Variants in DPP10 observed in about 807,000 individuals in gnomAD.
DPP10 encodes dipeptidyl peptidase like 10.
Under a neutral mutation model 120.9 loss-of-function variants are expected in DPP10, and 33 were observed. That is an observed-to-expected ratio of 0.27 (90% CI 0.21 to 0.37). The LOEUF (loss-of-function observed/expected upper bound fraction) is 0.37. Ranked by LOEUF, DPP10 falls within the 10% of genes least tolerant of loss-of-function variation. DPP10 has a pLI of 1.00. For synonymous variants in DPP10, 337 were observed against 326.1 expected (o/e 1.03, Z -0.36); for missense variants, 816 against 942.8 (o/e 0.87, Z 1.76).
At chr2:115,026,126 G>A (rs1300592778) in intron 1 of DPP10, among the ~76,000 whole-genome samples, 1 of 151,982 alleles carries the variant, frequency 6.6e-6, no homozygotes, top group Non-Finnish European at 1.5e-5. Flanking sequence ...TTTCCCTAAC[G>A]TTTTCTTTTA....
chr2:115,772,644 A>AT (rs1185898855), intron 13 of DPP10, among the ~76,000 whole-genome samples: 1 of 152,146 alleles, frequency 6.6e-6, no homozygotes, highest in Admixed American at 6.6e-5. Context: ...ACCCCAGACC[A>AT]TTAAACTTTT....
intron 3 of DPP10, among the ~76,000 whole-genome samples, chr2:115,390,785 T>G (rs2067265913): frequency 6.6e-6 from 1 of 152,090 alleles, no homozygotes; most frequent in Admixed American, 6.6e-5. Flanking sequence ...TATCTAGACC[T>G]CACTAAAAAT....
chr2:115,235,275 G>A lies in DPP10; in HGVS notation c.61-73964G>A, dbSNP rs144017529. Among the ~76,000 whole-genome samples, 257 of 152,230 alleles carry A rather than the reference G, an allele frequency of 1.7e-3. 2 individuals carry two copies. Among genetic ancestry groups the A allele is most frequent in the African/African-American group, 5.8e-3 (239 of 41,540 alleles). On this transcript the variant is annotated intron_variant, in intron 1 of 25. Transcript: ENST00000410059. ...ATACCAAGGGAGTGGGACAATAGAC[G>A]TAATGATGTGAATGGTAAAAATAAT...
intron 5 of DPP10, among the ~76,000 whole-genome samples, chr2:115,624,483 C>T (rs960624083): frequency 1.3e-5 from 2 of 152,126 alleles, no homozygotes; most frequent in Non-Finnish European, 2.9e-5. Context: ...AATGAGCAAC[C>T]TATGAGATCA....
In DPP10 at chr2:115,086,502, G is replaced by C. The variant is rs1049228104; in HGVS notation, c.61-222737G>C. On this transcript the variant is annotated intron_variant, in intron 1 of 25. Transcript: ENST00000410059. ...CGGAGTCTCCCAGGCTGTCACCCAG[G>C]CTGGAGTGTAGTGGCGCCATCTCGG... 2.0e-5 allele frequency among the ~76,000 whole-genome samples: 3 copies of C among 149,674 alleles called. No homozygotes were observed. In the South Asian group the frequency reaches 6.4e-4, roughly 32 times the overall value.
chr2:114,784,410 C>G (rs558023247), intron 1 of DPP10, among the ~76,000 whole-genome samples: 3 of 152,172 alleles, frequency 2.0e-5, no homozygotes, highest in Admixed American at 2.0e-4. Context: ...GTTTAAAAAC[C>G]TGCCTTCTGT....
chr2:115,591,985 A>G (rs1200902248), intron 5 of DPP10, among the ~76,000 whole-genome samples: 2 of 151,526 alleles, frequency 1.3e-5, no homozygotes, highest in Non-Finnish European at 2.9e-5. Flanking sequence ...TTTCCTTTTC[A>G]TTCCTGACAG....
rs371323039 is a variant in DPP10, at chr2:114,727,365, T to TA, written c.60+284528dup. Among the ~76,000 whole-genome samples, 540 of 152,342 alleles carry TA rather than the reference T, an allele frequency of 3.5e-3. 3 individuals carry two copies. The highest frequency in any genetic ancestry group is 0.012 in the African/African-American group (507 of 41,580). ...TCAATCTCTCTCCTGACCAGGGGCT[T>TA]ATTAACATTCTGAGTATCACTTTCA... On this transcript the variant is annotated intron_variant, in intron 1 of 25. Coordinates refer to ENST00000410059, the MANE Select transcript of DPP10 (RefSeq NM_020868.6).
At chr2:115,099,162 A>G (rs1009721442) in intron 1 of DPP10, among the ~76,000 whole-genome samples, 1 of 151,854 alleles carries the variant, frequency 6.6e-6, no homozygotes, top group Non-Finnish European at 1.5e-5. Context: ...AAAGAAAAGA[A>G]AAATAGCTGG....
At chr2:115,674,970 G>A (rs981923805) in intron 5 of DPP10, among the ~76,000 whole-genome samples, 1 of 152,116 alleles carries the variant, frequency 6.6e-6, no homozygotes, top group Non-Finnish European at 1.5e-5. Flanking sequence ...AGCACATAAA[G>A]AACACATTAA....
At chr2:115,757,721 T>C (rs1043296700) in intron 11 of DPP10, among the ~76,000 whole-genome samples, 1 of 152,110 alleles carries the variant, frequency 6.6e-6, no homozygotes, top group Admixed American at 6.6e-5. Flanking sequence ...TGCATTGAGA[T>C]CAAATGAGGT....
At chr2:115,191,368 A>G (rs1380499550) in intron 1 of DPP10, among the ~76,000 whole-genome samples, 3 of 152,210 alleles carry the variant, frequency 2.0e-5, no homozygotes, top group Admixed American at 6.5e-5. Flanking sequence ...GTCCCAGTTC[A>G]CAGATTTTTA....
chr2:114,887,287 G>C (rs941126266), intron 1 of DPP10, among the ~76,000 whole-genome samples: 32 of 152,164 alleles, frequency 2.1e-4, no homozygotes, highest in Non-Finnish European at 2.9e-5. Context: ...TAGTGATTTA[G>C]AGGAGACTAA....
In DPP10 at chr2:115,574,424, A is replaced by G. The variant is rs79090165; in HGVS notation, c.441+48452A>G. Among the ~76,000 whole-genome samples the G allele has an allele frequency of 6.1e-3, 932 of 152,144 alleles. 27 individuals are homozygous for G. Among genetic ancestry groups the G allele is most frequent in the Admixed American group, 0.042 (638 of 15,288 alleles). The stretch of plus-strand genomic sequence containing the variant: ...AGTTCTCCATGGCTTGGTTCTCTCT[A>G]CTTCAGCTTTAGCTCCTGCAACACT... On this transcript the variant is annotated intron_variant, in intron 5 of 25. Coordinates refer to ENST00000410059, the MANE Select transcript of DPP10 (RefSeq NM_020868.6).
chr2:114,599,759 T>G (rs1312888857), intron 1 of DPP10, among the ~76,000 whole-genome samples: 4 of 151,854 alleles, frequency 2.6e-5, no homozygotes, highest in Non-Finnish European at 4.4e-5. Flanking sequence ...AGATAGTTCC[T>G]TATGTATTAT....
chr2:114,634,423 G>T (rs1286061362), intron 1 of DPP10, among the ~76,000 whole-genome samples: 1 of 151,666 alleles, frequency 6.6e-6, no homozygotes, highest in African/African-American at 2.4e-5. Context: ...ATTGGTGAAT[G>T]AGGCAGAGGA....
chr2:115,171,888 A>ATGCAAC (rs2053370536), intron 1 of DPP10, among the ~76,000 whole-genome samples: 1 of 152,182 alleles, frequency 6.6e-6, no homozygotes, highest in Non-Finnish European at 1.5e-5. Context: ...CATCTTCTGT[A>ATGCAAC]CTTTGCCATG....
chr2:114,721,629 C>A (rs1009194303), intron 1 of DPP10, among the ~76,000 whole-genome samples: 1 of 152,240 alleles, frequency 6.6e-6, no homozygotes, highest in South Asian at 2.1e-4. Context: ...ACAGATCAGC[C>A]CTGCCCAAAA....
In DPP10 at chr2:114,610,473, T is replaced by C. The variant is rs564537133; in HGVS notation, c.60+167635T>C. 3.9e-5 allele frequency among the ~76,000 whole-genome samples: 6 copies of C among 152,042 alleles called. No individual in the cohort carries two copies. The South Asian group carries it at 1.3e-3, about 32-fold the overall frequency. ...ATGTTCCTGAGCTGCATGAAAGAAA[T>C]ATGCAAGATTCAGAACCAGGGCTGG... On this transcript the variant is annotated intron_variant, in intron 1 of 25. Transcript: ENST00000410059.
Sources: gnomAD v4.1 joint callset for allele counts (sites outside exome capture counted in the v4.1 genomes callset) on GRCh38, gnomAD v4.1.1 for gene constraint, MANE v1.5 for transcripts, NCBI Gene and HGNC (gene_info 2026-07-23, HGNC 2026-07-21) for gene names.